The following GPHN variants were observed in gnomAD, a reference collection of about 807,000 sequenced individuals.
The protein encoded by GPHN is gephyrin.
In GPHN, 17 loss-of-function variants were observed where a neutral mutation model predicts 95.5. The observed-to-expected ratio is 0.18, with a 90% CI of 0.12 to 0.27. The LOEUF (loss-of-function observed/expected upper bound fraction) is 0.27, where lower values mean the gene tolerates loss of function less well. Among genes scored for constraint, GPHN ranks in the 10% least tolerant of loss-of-function variants. The pLI is 1.00. For synonymous variants in GPHN, 320 were observed against 322.5 expected (o/e 0.99, Z 0.08); for missense variants, 660 against 978.1 (o/e 0.67, Z 4.34).
chr14:66,868,988 A>G (rs113154840), intron 4 of GPHN, among the ~76,000 whole-genome samples: 2,383 of 152,326 alleles, frequency 0.016, 33 homozygotes, highest in Non-Finnish European at 0.018. Flanking sequence ...TAAATATTTT[A>G]TTTAAAAAGA....
chr14:67,100,478 TAC>T (rs1376955714), intron 12 of GPHN, among the ~76,000 whole-genome samples: 2 of 152,164 alleles, frequency 1.3e-5, no homozygotes, highest in Non-Finnish European at 2.9e-5. Context: ...TCCATGAGTG[TAC>T]ACACACACAT....
chr14:67,328,019 A>C, the GPHN span, among the ~76,000 whole-genome samples: 1 of 152,164 alleles, frequency 6.6e-6, no homozygotes, highest in East Asian at 1.9e-4. Flanking sequence ...GGCTGGGTCA[A>C]ATGGTATTTC....
chr14:67,676,708 A>G, the GPHN span: 1 of 152,248 alleles, frequency 6.6e-6, no homozygotes, highest in Non-Finnish European at 1.5e-5. Context: ...TAGCATGTGG[A>G]TTGAGATTAC....
the GPHN span, chr14:67,685,079 C>A: frequency 5.6e-6 from 9 of 1,614,116 alleles, no homozygotes; most frequent in Admixed American, 1.5e-4. Context: ...CTGGTCTGGG[C>A]TCCCTGCTGA....
At chr14:66,878,077 T>C (rs183356448) in intron 4 of GPHN, among the ~76,000 whole-genome samples, 2 of 152,272 alleles carry the variant, frequency 1.3e-5, no homozygotes, top group Admixed American at 1.3e-4. Flanking sequence ...ACCACACATC[T>C]ACAACCATTT....
intron 3 of GPHN, among the ~76,000 whole-genome samples, chr14:66,795,759 C>T (rs191426041): frequency 1.4e-4 from 21 of 152,218 alleles, no homozygotes; most frequent in East Asian, 7.7e-4. Context: ...GTTTGCTACA[C>T]GCATGCAATG....
intron 10 of GPHN, among the ~76,000 whole-genome samples, chr14:67,024,789 C>A (rs1416919567): frequency 6.6e-6 from 1 of 152,152 alleles, no homozygotes; most frequent in African/African-American, 2.4e-5. Flanking sequence ...GGTTGGGTCA[C>A]ATGGCCATGG....
the GPHN span, among the ~76,000 whole-genome samples, chr14:67,478,917 A>G: frequency 2.6e-5 from 4 of 152,228 alleles, no homozygotes; most frequent in Admixed American, 6.5e-5. Flanking sequence ...AAGAGAAAAA[A>G]GCAGGATTCA....
chr14:67,703,684 T>C, the GPHN span, among the ~76,000 whole-genome samples: 1 of 152,170 alleles, frequency 6.6e-6, no homozygotes, highest in Non-Finnish European at 1.5e-5. Flanking sequence ...ATGTCTTTTT[T>C]TATTTTTCCG....
At chr14:67,048,819 T>G (rs1212461437) in intron 10 of GPHN, among the ~76,000 whole-genome samples, 2 of 152,274 alleles carry the variant, frequency 1.3e-5, no homozygotes, top group Non-Finnish European at 2.9e-5. Context: ...TTCACATGTT[T>G]TGTAATACAT....
At chr14:66,610,540 A>T (rs1251249091) in intron 1 of GPHN, among the ~76,000 whole-genome samples, 1 of 152,118 alleles carries the variant, frequency 6.6e-6, no homozygotes, top group Non-Finnish European at 1.5e-5. Context: ...CTAGTCAGCC[A>T]TCTTGTCTTC....
chr14:66,567,869 A>G (rs1240873838), intron 1 of GPHN, among the ~76,000 whole-genome samples: 2 of 152,156 alleles, frequency 1.3e-5, no homozygotes, highest in African/African-American at 4.8e-5. Context: ...GTGCTGCAAG[A>G]TCTATAAAAA....
intron 2 of GPHN, among the ~76,000 whole-genome samples, chr14:66,760,074 C>A (rs956546145): frequency 2.0e-5 from 3 of 152,058 alleles, no homozygotes; most frequent in Admixed American, 2.0e-4. Flanking sequence ...ATAATGTTTT[C>A]TTTACAGCAC....
intron 9 of GPHN, among the ~76,000 whole-genome samples, chr14:66,994,440 A>G (rs996452926): frequency 6.6e-6 from 1 of 152,172 alleles, no homozygotes; most frequent in Non-Finnish European, 1.5e-5. Flanking sequence ...TGATATTAAT[A>G]AAATCACCTG....
In GPHN at chr14:67,181,039, T is replaced by C; in HGVS notation, c.*102T>C. ...TAGTTTTCCCGATTTGGATAAAAGT[T>C]GATCTGTATAGTCAACATCTTGAAC... On this transcript the variant is annotated 3_prime_UTR_variant, in exon 23 of 23. Transcript: ENST00000478722. The C allele has an allele frequency of 9.2e-7, 1 of 1,083,368 alleles. No homozygotes were observed. Among genetic ancestry groups the C allele is most frequent in the Non-Finnish European group, 1.4e-6 (1 of 707,280 alleles). 67.1% of individuals were successfully genotyped at this position (1,083,368 alleles called of 1,614,324 possible). A position where few individuals can be genotyped will look rare whatever the true frequency, so the allele number is the denominator to read the frequency against.
chr14:67,258,225 G>C, the GPHN span, among the ~76,000 whole-genome samples: 1 of 152,004 alleles, frequency 6.6e-6, no homozygotes, highest in Admixed American at 6.6e-5. Context: ...GAGAAGATAA[G>C]GTACTCATCC....
intron 17 of GPHN, among the ~76,000 whole-genome samples, chr14:67,140,254 G>A (rs1008940661): frequency 1.3e-5 from 2 of 151,984 alleles, no homozygotes; most frequent in Admixed American, 1.3e-4. Context: ...CATGTTGGCA[G>A]GCACCTGTAA....
intron 10 of GPHN, among the ~76,000 whole-genome samples, chr14:67,024,163 C>T (rs2073808624): frequency 6.6e-6 from 1 of 152,044 alleles, no homozygotes; most frequent in South Asian, 2.1e-4. Flanking sequence ...GTAAAGAATG[C>T]TCAATTTATT....
chr14:67,096,832 C>T (rs1035712323), intron 12 of GPHN, among the ~76,000 whole-genome samples: 2 of 150,946 alleles, frequency 1.3e-5, no homozygotes, highest in African/African-American at 4.9e-5. Context: ...TGCCATGTTG[C>T]CCAGCTTTGT....
Sources: allele counts gnomAD v4.1 joint callset (sites outside exome capture counted in the v4.1 genomes callset), GRCh38; gene constraint gnomAD v4.1.1; transcripts MANE v1.5; gene names NCBI Gene and HGNC (gene_info 2026-07-23, HGNC 2026-07-21).